The following BRWD1 variants were observed in gnomAD, a reference collection of about 807,000 sequenced individuals.
The protein encoded by BRWD1 is bromodomain and WD repeat-containing protein 1.
A neutral mutation model predicts 251.2 loss-of-function variants in BRWD1; 82 were observed. That is an observed-to-expected ratio of 0.33 (90% CI 0.27 to 0.39). The LOEUF (loss-of-function observed/expected upper bound fraction) is 0.39. BRWD1 is among the 10% of genes least tolerant of loss of function. BRWD1 has a pLI of 1.00. For synonymous variants in BRWD1, 918 were observed against 902.8 expected (o/e 1.02, Z -0.30); for missense variants, 2,233 against 2,711.6 (o/e 0.82, Z 3.92).
intron 8 of BRWD1, among the ~76,000 whole-genome samples, chr21:39,293,118 G>A (rs1601479754): frequency 6.6e-6 from 1 of 152,132 alleles, no homozygotes; most frequent in South Asian, 2.1e-4. Flanking sequence ...CAGATACATA[G>A]GGGTTTATAC....
rs377625633 is a variant in BRWD1, at chr21:39,232,507, G to A, written c.2767-9C>T. The stretch of plus-strand genomic sequence containing the variant: ...GTCATCCTCCGCAAATTCTACCAAG[G>A]GGAAGAGAACAAAGTTTCTTAGATT... On this transcript the variant is annotated splice_polypyrimidine_tract_variant and intron_variant, in intron 23 of 40. Transcript: ENST00000342449. 4.6e-4 allele frequency: 732 copies of A among 1,582,148 alleles called. 1 individual carries two copies. The highest frequency in any genetic ancestry group is 8.3e-4 in the Middle Eastern group (5 of 6,000).
chr21:39,234,785 C>T (rs761158377), intron 23 of BRWD1, among the ~76,000 whole-genome samples: 6 of 152,188 alleles, frequency 3.9e-5, no homozygotes, highest in Non-Finnish European at 8.8e-5. Context: ...GATTTAACCT[C>T]GCCAAAACAA....
In BRWD1 at chr21:39,196,776, C is replaced by T. The variant is rs1191456949; in HGVS notation, c.6293G>A (p.Gly2098Asp). The T allele has an allele frequency of 6.2e-7, 1 of 1,613,092 alleles. No homozygotes were observed. Among genetic ancestry groups the T allele is most frequent in the African/African-American group, 1.3e-5 (1 of 74,914 alleles). The change falls in exon 41 of 41, where the codon GGC (glycine) becomes GAC (aspartate). Residue 2098 changes from glycine to aspartate, a missense_variant. Gly to Asp is a moderately conservative substitution (Grantham distance 94). This residue lies in a region of BRWD1 where 928 missense variants were observed against 970.0 expected (regional missense o/e 0.96). Transcript: ENST00000342449. ...CTTTCCATAGGTCCTGAGTCTTCTG[C>T]CATTCCACCTGCGCAGCCCATAATT... ...ELNYGLRRWN[G>D]RRLRTYGKAP...
chr21:39,249,915 G>GGTGTGTGT (rs368656743), intron 20 of BRWD1, among the ~76,000 whole-genome samples: 8 of 68,580 alleles, frequency 1.2e-4, no homozygotes, highest in African/African-American at 1.6e-4. Context: ...AAAGAAGGGG[G>GGTGTGTGT]GTGTGTGTGT....
upstream of BRWD1, chr21:39,313,892 C>G (rs759520466): frequency 1.9e-5 from 6 of 321,374 alleles, no homozygotes; most frequent in African/African-American, 7.0e-5. Context: ...GGCGGCTGCC[C>G]GGGCTTTGTG....
Position 39,247,934 on chromosome 21 carries a change from A to G in BRWD1, c.2350-102T>C, listed in dbSNP as rs2034253707. The G allele has an allele frequency of 6.2e-6, 8 of 1,287,806 alleles. No individual in the cohort carries two copies. The South Asian group carries it at 1.6e-4, about 25-fold the overall frequency. 79.8% of individuals were successfully genotyped at this position (1,287,806 alleles called of 1,614,324 possible). The stretch of plus-strand genomic sequence containing the variant: ...AGTTTCCAGAAGGATTTAAAGCAAA[A>G]AGAAAAAAAGGCTTAAAAAGAAGGT... On this transcript the variant is annotated intron_variant, in intron 20 of 40. Coordinates refer to ENST00000342449, the MANE Select transcript of BRWD1 (RefSeq NM_033656.4).
At chr21:39,297,593 T>G in intron 5 of BRWD1, 2 of 259,662 alleles carry the variant, frequency 7.7e-6, no homozygotes, top group Non-Finnish European at 1.2e-5. Context: ...GTGTCCTGAT[T>G]AGTGCCACAG....
chr21:39,188,855 CTA>C lies in BRWD1; in HGVS notation c.*7402_*7403del. Reference sequence around the variant, plus strand: ...TTTTTCCAGTGAAATTCTAAGGGCACTATGTTTTGTTCAGTGTTCAGTCTCCA... The same window carrying C: ...TTTTTCCAGTGAAATTCTAAGGGCACTGTTTTGTTCAGTGTTCAGTCTCCA... On this transcript the variant is annotated 3_prime_UTR_variant, in exon 41 of 41. Transcript: ENST00000342449. The C allele has an allele frequency of 1.0e-6, 1 of 985,388 alleles. No homozygotes were observed. Among genetic ancestry groups the C allele is most frequent in the South Asian group, 4.7e-5 (1 of 21,290 alleles). The allele number at this position is 985,388 out of a possible 1,614,324, so 61.0% of individuals were successfully genotyped here.
At chr21:39,312,974 C>CGGG (rs1568986258) in intron 3 of BRWD1, 74 bp from the exon 4 acceptor site, 6 of 409,926 alleles carry the variant, frequency 1.5e-5, no homozygotes, top group Non-Finnish European at 1.9e-5. Flanking sequence ...GGGCCGGGGG[C>CGGG]GGGCGGCGGG....
At chr21:39,268,165 C>G (rs779165120) in intron 15 of BRWD1, among the ~76,000 whole-genome samples, 1 of 152,020 alleles carries the variant, frequency 6.6e-6, no homozygotes, top group African/African-American at 2.4e-5. Flanking sequence ...GTCTCAAAAG[C>G]GCTACTAAAA....
chr21:39,200,129 C>G (rs1237815820), intron 39 of BRWD1, 90 bp downstream of exon 39: 1 of 1,207,696 alleles, frequency 8.3e-7, no homozygotes, highest in African/African-American at 1.5e-5. Context: ...CTTAATCTTA[C>G]GTAGATGCAT....
intron 4 of BRWD1, among the ~76,000 whole-genome samples, chr21:39,303,035 C>A (rs1191145189): frequency 6.6e-6 from 1 of 151,780 alleles, no homozygotes; most frequent in Admixed American, 6.6e-5. Context: ...CTCCATCCTG[C>A]ACAACAGAGA....
intron 18 of BRWD1, among the ~76,000 whole-genome samples, chr21:39,257,282 T>C (rs999541506): frequency 2.6e-5 from 4 of 151,918 alleles, no homozygotes; most frequent in Non-Finnish European, 4.4e-5. Context: ...GGCAATACAG[T>C]AGGTGCCAGA....
intron 15 of BRWD1, among the ~76,000 whole-genome samples, chr21:39,267,154 AT>A (rs2034948349): frequency 6.6e-6 from 1 of 152,166 alleles, no homozygotes; most frequent in South Asian, 2.1e-4. Context: ...CTAATTGTCT[AT>A]TTGTACTTTG....
chr21:39,268,941 T>C (rs765696431), intron 15 of BRWD1, among the ~76,000 whole-genome samples: 6 of 151,884 alleles, frequency 4.0e-5, no homozygotes, highest in Admixed American at 6.6e-5. Flanking sequence ...TGAGTTGAGA[T>C]TGCGCCACTG....
chr21:39,220,642 A>G (rs78894367), intron 29 of BRWD1, among the ~76,000 whole-genome samples: 183 of 152,322 alleles, frequency 1.2e-3, no homozygotes, highest in African/African-American at 4.1e-3. Flanking sequence ...TAATCAACCA[A>G]CCAGAATTGG....
chr21:39,307,744 T>C (rs2036336369), intron 4 of BRWD1, among the ~76,000 whole-genome samples: 1 of 152,216 alleles, frequency 6.6e-6, no homozygotes. Context: ...AACAAAAACC[T>C]CTTTTACAAT....
chr21:39,277,381 C>A (rs141663931), intron 10 of BRWD1, 30 bp from the exon 11 acceptor site: 17,208 of 1,403,872 alleles, frequency 0.012, 180 homozygotes, highest in Middle Eastern at 0.015. Context: ...GTTTAAACAT[C>A]CAGTTTATAA....
At chr21:39,273,421 T>G (rs1415612739) in intron 13 of BRWD1, among the ~76,000 whole-genome samples, 2 of 152,192 alleles carry the variant, frequency 1.3e-5, no homozygotes, top group African/African-American at 4.8e-5. Context: ...AAGATCAAAT[T>G]TATTTTGAAA....
Sources: gnomAD v4.1 joint callset for allele counts (sites outside exome capture counted in the v4.1 genomes callset) on GRCh38, gnomAD v4.1.1 for gene constraint, gnomAD v4.1.1 regional missense constraint, MANE v1.5 for transcripts, NCBI Gene and HGNC (gene_info 2026-07-23, HGNC 2026-07-21) for gene names.